FBXW2: variants seen among roughly 807,000 people sequenced by gnomAD.
The protein encoded by FBXW2 is F-box and WD repeat domain containing 2.
In FBXW2, 12 loss-of-function variants were observed where a neutral mutation model predicts 46.0. That is an observed-to-expected ratio of 0.26 (90% confidence interval 0.17 to 0.42). FBXW2 has a LOEUF of 0.42. Ranked by LOEUF, FBXW2 falls within the 10% of genes least tolerant of loss-of-function variation. FBXW2 has a pLI of 1.00. For missense variants in FBXW2, 360 were observed against 537.0 expected, an observed-to-expected ratio of 0.67 and a Z score of 3.26; for synonymous variants, 203 against 209.6, an observed-to-expected ratio of 0.97 and a Z score of 0.27.
chr9:120,758,170 T>C lies in FBXW2; in HGVS notation c.*6389A>G, dbSNP rs966507266. On this transcript the variant is annotated 3_prime_UTR_variant, in exon 8 of 8. Coordinates refer to ENST00000608872, the MANE Select transcript of FBXW2 (RefSeq NM_012164.4). ...TGCTAAATGAACTGCACCACTAACC[T>C]TACACAAAAATGCTCAGTGAGGCTG... 3 of 152,154 alleles carry C rather than the reference T, an allele frequency of 2.0e-5. No homozygotes were observed. The highest frequency in any genetic ancestry group is 2.9e-5 in the Non-Finnish European group (2 of 68,028). 9.4% of individuals were successfully genotyped at this position (152,154 alleles called of 1,614,324 possible). A position where few individuals can be genotyped will look rare whatever the true frequency, so the allele number is the denominator to read the frequency against.
Position 120,788,068 on chromosome 9 carries a change from A to T in FBXW2, c.191T>A (p.Leu64His). Residue 64 changes from leucine to histidine, a missense_variant, in exon 3 of 8, where the codon CTC becomes CAC. Transcript: ENST00000608872. ...RDFLKLLPLE[L>H]SFYLLKWLDP... ...GAGCCATTTTAACAAATAAAAACTGAGCTCCAGGGGAAGGAGTTTGAGGAA... is the reference window on the plus strand; with the variant it reads ...GAGCCATTTTAACAAATAAAAACTGTGCTCCAGGGGAAGGAGTTTGAGGAA... 6.2e-7 allele frequency: 1 copy of T among 1,614,146 alleles called. No individual in the cohort carries two copies. The highest frequency in any genetic ancestry group is 8.5e-7 in the Non-Finnish European group (1 of 1,180,028).
rs2044140961 is a variant in FBXW2, at chr9:120,757,065, G to A, written c.*7494C>T. On this transcript the variant is annotated 3_prime_UTR_variant, in exon 8 of 8. Coordinates refer to ENST00000608872, the MANE Select transcript of FBXW2 (RefSeq NM_012164.4). Reference sequence around the variant, plus strand: ...TTCATCTCGACCAATGATTTCACAAGTATTTGAAAGTGTAATGGGTAAAAG... The same window carrying A: ...TTCATCTCGACCAATGATTTCACAAATATTTGAAAGTGTAATGGGTAAAAG... The A allele has an allele frequency of 6.6e-6, 1 of 152,182 alleles. No homozygotes were observed. The highest frequency in any genetic ancestry group is 2.1e-4 in the South Asian group (1 of 4,836). 9.4% of individuals were successfully genotyped at this position (152,182 alleles called of 1,614,324 possible).
chr9:120,760,920 C>T lies in FBXW2; in HGVS notation c.*3639G>A, dbSNP rs2044188054. ...AATACTAGAATGATTATATAATCCT[C>T]ATTCAAACCTCACACCAAGTGTTTT... On this transcript the variant is annotated 3_prime_UTR_variant, in exon 8 of 8. Transcript: ENST00000608872. 1 of 152,206 alleles carries T rather than the reference C, an allele frequency of 6.6e-6. No individual in the cohort carries two copies. The highest frequency in any genetic ancestry group is 6.5e-5 in the Admixed American group (1 of 15,280). The allele number at this position is 152,206 out of a possible 1,614,324, so 9.4% of individuals were successfully genotyped here.
chr9:120,764,401 A>G lies in FBXW2; in HGVS notation c.*158T>C. The G allele has an allele frequency of 1.3e-6, 1 of 770,152 alleles. No homozygotes were observed. Among genetic ancestry groups the G allele is most frequent in the Non-Finnish European group, 2.1e-6 (1 of 481,938 alleles). The allele number at this position is 770,152 out of a possible 1,614,324, so 47.7% of individuals were successfully genotyped here. A position where few individuals can be genotyped will look rare whatever the true frequency, so the allele number is the denominator to read the frequency against. Reference sequence around the variant, plus strand: ...ATAAAACAAGCCCTCCCCCACCCCGAGCCCTGGCCCCTGGCAAAACATAGA... The same window carrying G: ...ATAAAACAAGCCCTCCCCCACCCCGGGCCCTGGCCCCTGGCAAAACATAGA... On this transcript the variant is annotated 3_prime_UTR_variant, in exon 8 of 8. Transcript: ENST00000608872.
intron 2 of FBXW2, among the ~76,000 whole-genome samples, chr9:120,790,467 G>T (rs1042339296): frequency 2.6e-5 from 4 of 151,980 alleles, no homozygotes; most frequent in Non-Finnish European, 5.9e-5. Context: ...CGGGGCGAGA[G>T]AGCAAGACTC....
At chr9:120,772,446 T>C (rs1275577092) in intron 6 of FBXW2, among the ~76,000 whole-genome samples, 1 of 152,164 alleles carries the variant, frequency 6.6e-6, no homozygotes, top group African/African-American at 2.4e-5. Context: ...TGAGCCAATA[T>C]TGTGCCACTG....
Position 120,764,826 on chromosome 9 carries a change from T to C in FBXW2, c.1098A>G (p.Ile366Met), listed in dbSNP as rs1318070465. The C allele has an allele frequency of 6.3e-7, 1 of 1,592,756 alleles. No individual in the cohort carries two copies. The highest frequency in any genetic ancestry group is 1.1e-5 in the South Asian group (1 of 87,298). ...DILRVIKTPE[I>M]ANLALLGFGD... ...CAAAGCCAAGCAAGGCCAAGTTTGC[T>C]ATCTCAGGAGTCTTGATGACCCTAC... The change falls in exon 8 of 8, where the codon ATA becomes ATG. Residue 366 changes from isoleucine (I) to methionine (M), a missense_variant. Transcript: ENST00000608872.
chr9:120,790,433 G>C (rs575592553), intron 2 of FBXW2, among the ~76,000 whole-genome samples: 2 of 152,008 alleles, frequency 1.3e-5, no homozygotes, highest in South Asian at 4.1e-4. Flanking sequence ...GCAGTGAGCC[G>C]AGATCACGCC....
intron 4 of FBXW2, among the ~76,000 whole-genome samples, chr9:120,777,791 T>A (rs2044529659): frequency 7.6e-6 from 1 of 131,866 alleles, no homozygotes; most frequent in Non-Finnish European, 1.5e-5. Context: ...TTTTGCAAAA[T>A]AAGGATGCTA....
In FBXW2 at chr9:120,793,415, C is replaced by CTGCGTCATCTCCGCGCG. The variant is rs1029458749; in HGVS notation, c.-192_-191insCGCGCGGAGATGACGCA. 2.5e-6 allele frequency: 1 copy of CTGCGTCATCTCCGCGCG among 398,554 alleles called. No homozygotes were observed. The highest frequency in any genetic ancestry group is 4.4e-6 in the Non-Finnish European group (1 of 226,354). The allele number at this position is 398,554 out of a possible 1,614,324, so 24.7% of individuals were successfully genotyped here. The stretch of plus-strand genomic sequence containing the variant: ...ACAGGGGAGCGGCTTCCGGTGCTGC[C>CTGCGTCATCTCCGCGCG]TGCGTCATCTCCGCGCGTCCCTCAG... On this transcript the variant is annotated 5_prime_UTR_variant, in exon 1 of 8. It adds an upstream start codon to the 5' untranslated region. Transcript: ENST00000608872.
rs748329045 is a variant in FBXW2 at position 120,764,630 on chromosome 9, T to C, written c.1294A>G (p.Thr432Ala). 6.2e-7 allele frequency: 1 copy of C among 1,614,166 alleles called. No homozygotes were observed. Among genetic ancestry groups the C allele is most frequent in the Non-Finnish European group, 8.5e-7 (1 of 1,180,028 alleles). The change falls in exon 8 of 8, where the codon ACG (threonine) becomes GCG (alanine). Residue 432 changes from threonine to alanine, a missense_variant. Transcript: ENST00000608872. ...WLNGLDGHND[T>A]GLVFATSMPD... is the part of the protein sequence containing the mutation. ...ATGCTGGTGGCAAAGACCAAGCCCG[T>C]GTCATTGTGCCCATCCAGTCCATTC...
chr9:120,783,539 T>G (rs547965908), intron 3 of FBXW2, among the ~76,000 whole-genome samples: 1 of 152,346 alleles, frequency 6.6e-6, no homozygotes, highest in East Asian at 1.9e-4. Context: ...ACTCTGACCC[T>G]GAATCCCACC....
intron 2 of FBXW2, among the ~76,000 whole-genome samples, chr9:120,791,804 C>T (rs1009019402): frequency 3.3e-5 from 5 of 152,174 alleles, no homozygotes; most frequent in Admixed American, 2.6e-4. Context: ...ATTCTACCCA[C>T]ATTCCCTGCT....
chr9:120,790,953 A>T (rs528783189), intron 2 of FBXW2, among the ~76,000 whole-genome samples: 1 of 152,204 alleles, frequency 6.6e-6, no homozygotes, highest in Non-Finnish European at 1.5e-5. Flanking sequence ...TTAATAAAAA[A>T]AATTTTCCCA....
intron 7 of FBXW2, among the ~76,000 whole-genome samples, chr9:120,766,279 G>T (rs2044274159): frequency 6.6e-6 from 1 of 152,160 alleles, no homozygotes; most frequent in African/African-American, 2.4e-5. Context: ...AATAGTGAAA[G>T]ATGTGTAAGA....
At chr9:120,781,290 A>G (rs1248057547) in intron 3 of FBXW2, among the ~76,000 whole-genome samples, 2 of 152,212 alleles carry the variant, frequency 1.3e-5, no homozygotes, top group African/African-American at 2.4e-5. Context: ...ATGCAACACA[A>G]AAATTATTGA....
chr9:120,786,977 T>C (rs1340442722), intron 3 of FBXW2, among the ~76,000 whole-genome samples: 1 of 152,220 alleles, frequency 6.6e-6, no homozygotes, highest in Non-Finnish European at 1.5e-5. Flanking sequence ...CTACTTCTTC[T>C]ACTTAGAATC....
chr9:120,761,463 G>A lies in FBXW2; in HGVS notation c.*3096C>T, dbSNP rs1358561186. 3 of 152,150 alleles carry A rather than the reference G, an allele frequency of 2.0e-5. No homozygotes were observed. The highest frequency in any genetic ancestry group is 1.9e-4 in the East Asian group (1 of 5,202). 9.4% of individuals were successfully genotyped at this position (152,150 alleles called of 1,614,324 possible). A position where few individuals can be genotyped will look rare whatever the true frequency, so the allele number is the denominator to read the frequency against. ...GGAAAGGCAATTCCCTTACCTATGC[G>A]CTAAGGAAGCCAAAGTCAGTGTGTG... On this transcript the variant is annotated 3_prime_UTR_variant, in exon 8 of 8. Transcript: ENST00000608872.
chr9:120,775,868 A>C (rs546919956), intron 5 of FBXW2, among the ~76,000 whole-genome samples: 2 of 151,938 alleles, frequency 1.3e-5, no homozygotes, highest in Non-Finnish European at 2.9e-5. Context: ...CCCTCTATCC[A>C]CCTAATATAT....
Sources: gnomAD v4.1 joint callset for allele counts (sites outside exome capture counted in the v4.1 genomes callset) on GRCh38, gnomAD v4.1.1 for gene constraint, MANE v1.5 for transcripts, NCBI Gene and HGNC (gene_info 2026-07-23, HGNC 2026-07-21) for gene names.